The following ARHGAP24 variants were observed in gnomAD, a reference collection of about 807,000 sequenced individuals.
The protein encoded by ARHGAP24 is Rho GTPase activating protein 24.
In ARHGAP24, 50 loss-of-function variants were observed where a neutral mutation model predicts 76.4. That is an observed-to-expected ratio of 0.65 (90% CI 0.52 to 0.83). The LOEUF is 0.83. ARHGAP24 is among the 40% of genes least tolerant of loss of function. The pLI, the probability that ARHGAP24 is intolerant of heterozygous loss-of-function variation, is 0.00. For missense variants in ARHGAP24, 930 were observed against 914.2 expected, an observed-to-expected ratio of 1.02 and a Z score of -0.22; for synonymous variants, 345 against 323.3, an observed-to-expected ratio of 1.07 and a Z score of -0.72.
intron 1 of ARHGAP24, among the ~76,000 whole-genome samples, chr4:85,500,589 A>G (rs1723765374): frequency 6.6e-6 from 1 of 152,206 alleles, no homozygotes; most frequent in Non-Finnish European, 1.5e-5. Context: ...TATTTTAGTC[A>G]GGATTAACTA....
chr4:85,979,332 A>G (rs1013016938), intron 8 of ARHGAP24, among the ~76,000 whole-genome samples: 4 of 152,212 alleles, frequency 2.6e-5, no homozygotes, highest in South Asian at 2.1e-4. Context: ...TAAAACACAC[A>G]TAACATGAAA....
intron 2 of ARHGAP24, among the ~76,000 whole-genome samples, chr4:85,609,161 G>A (rs964113720): frequency 3.9e-5 from 6 of 152,168 alleles, no homozygotes; most frequent in African/African-American, 1.4e-4. Flanking sequence ...GAATAAATAT[G>A]CTCTGAAATG....
chr4:85,885,671 G>C (rs1228054917), intron 3 of ARHGAP24, among the ~76,000 whole-genome samples: 1 of 151,744 alleles, frequency 6.6e-6, no homozygotes, highest in Non-Finnish European at 1.5e-5. Flanking sequence ...TAGTAAATTG[G>C]GAAAATAGTA....
intron 3 of ARHGAP24, among the ~76,000 whole-genome samples, chr4:85,921,624 A>G (rs1735726098): frequency 6.6e-6 from 1 of 152,128 alleles, no homozygotes; most frequent in African/African-American, 2.4e-5. Flanking sequence ...TAAAACTGTG[A>G]TTCTAGCTGG....
At chr4:85,520,597 C>T (rs1400572307) in intron 1 of ARHGAP24, among the ~76,000 whole-genome samples, 3 of 152,102 alleles carry the variant, frequency 2.0e-5, no homozygotes, top group African/African-American at 7.2e-5. Flanking sequence ...TGCATTCTAC[C>T]TTCCTACTTA....
In ARHGAP24 at chr4:85,678,169, G is replaced by A. The variant is rs537932666; in HGVS notation, c.181-43716G>A. 2.6e-4 allele frequency among the ~76,000 whole-genome samples: 40 copies of A among 152,208 alleles called. 1 individual carries two copies. The East Asian group carries it at 7.1e-3, about 27-fold the overall frequency. The stretch of plus-strand genomic sequence containing the variant: ...GGATCACGTTAGGCCAGGAATTCAG[G>A]ACTACTCTGGGCACCATAGTGAGAC... On this transcript the variant is annotated intron_variant, in intron 2 of 9. Transcript: ENST00000395184.
At chr4:85,885,038 C>G (rs553021559) in intron 3 of ARHGAP24, among the ~76,000 whole-genome samples, 1 of 152,026 alleles carries the variant, frequency 6.6e-6, no homozygotes, top group South Asian at 2.1e-4. Flanking sequence ...GAAGTTACCA[C>G]GTAGAAGGAA....
intron 2 of ARHGAP24, among the ~76,000 whole-genome samples, chr4:85,669,165 A>G (rs1722736752): frequency 6.6e-6 from 1 of 152,200 alleles, no homozygotes; most frequent in Admixed American, 6.5e-5. Flanking sequence ...CTGAGCTCTC[A>G]AAATTCACCT....
At chr4:85,549,830 A>T (rs536232074) in intron 1 of ARHGAP24, among the ~76,000 whole-genome samples, 3 of 152,254 alleles carry the variant, frequency 2.0e-5, no homozygotes, top group African/African-American at 7.2e-5. Flanking sequence ...CTCAATGTTT[A>T]GCTCCCACAT....
chr4:85,787,829 T>G (rs1727922942), intron 3 of ARHGAP24, among the ~76,000 whole-genome samples: 1 of 152,074 alleles, frequency 6.6e-6, no homozygotes, highest in Admixed American at 6.6e-5. Context: ...GGGACAGAAC[T>G]GAAAACCCAG....
chr4:85,493,885 A>G (rs1007129126), intron 1 of ARHGAP24, among the ~76,000 whole-genome samples: 1 of 152,234 alleles, frequency 6.6e-6, no homozygotes, highest in African/African-American at 2.4e-5. Context: ...TGTGAAAAAT[A>G]TTTACTAACA....
intron 3 of ARHGAP24, among the ~76,000 whole-genome samples, chr4:85,781,485 A>G (rs1235351028): frequency 6.6e-6 from 1 of 152,164 alleles, no homozygotes; most frequent in Non-Finnish European, 1.5e-5. Context: ...CTTTAATTAG[A>G]TTCCTTGGCT....
At chr4:85,964,392 T>C (rs1262592107) in intron 5 of ARHGAP24, among the ~76,000 whole-genome samples, 1 of 152,134 alleles carries the variant, frequency 6.6e-6, no homozygotes, top group African/African-American at 2.4e-5. Flanking sequence ...GTATGAAACA[T>C]CTAAAAATTC....
intron 5 of ARHGAP24, among the ~76,000 whole-genome samples, chr4:85,959,833 T>C (rs1738140414): frequency 6.6e-6 from 1 of 152,228 alleles, no homozygotes; most frequent in Non-Finnish European, 1.5e-5. Flanking sequence ...GTTATGACTT[T>C]TTATTCTACC....
chr4:85,517,987 A>G (rs1195551308), intron 1 of ARHGAP24, among the ~76,000 whole-genome samples: 2 of 152,186 alleles, frequency 1.3e-5, no homozygotes, highest in East Asian at 3.8e-4. Flanking sequence ...AAGAAGTGAC[A>G]TCTAGTGAAA....
At chr4:85,551,540 C>T (rs942769584) in intron 1 of ARHGAP24, among the ~76,000 whole-genome samples, 1 of 152,086 alleles carries the variant, frequency 6.6e-6, no homozygotes, top group Non-Finnish European at 1.5e-5. Context: ...CAGAATGATG[C>T]TGGCCTTATA....
At chr4:85,604,787 C>A (rs1720137014) in intron 2 of ARHGAP24, among the ~76,000 whole-genome samples, 1 of 151,920 alleles carries the variant, frequency 6.6e-6, no homozygotes. Context: ...GGGGTTTCAC[C>A]ATGTTGGTCA....
chr4:85,591,295 C>G (rs1728096846), intron 2 of ARHGAP24, among the ~76,000 whole-genome samples: 1 of 152,160 alleles, frequency 6.6e-6, no homozygotes, highest in Non-Finnish European at 1.5e-5. Flanking sequence ...ATCCACACAA[C>G]TCAGCCTCCC....
chr4:85,764,047 A>G (rs1419251547), intron 3 of ARHGAP24, among the ~76,000 whole-genome samples: 1 of 152,200 alleles, frequency 6.6e-6, no homozygotes, highest in African/African-American at 2.4e-5. Context: ...TCTGTAAGAA[A>G]GTAGATTTTC....
Sources: allele counts gnomAD v4.1 joint callset (sites outside exome capture counted in the v4.1 genomes callset), GRCh38; gene constraint gnomAD v4.1.1; transcripts MANE v1.5; gene names NCBI Gene and HGNC (gene_info 2026-07-23, HGNC 2026-07-21).